The following PNPLA6 variants were observed in gnomAD, a reference collection of about 807,000 sequenced individuals.
The protein encoded by PNPLA6 is patatin like domain 6, lysophospholipase.
Under a neutral mutation model 153.7 loss-of-function variants are expected in PNPLA6, and 105 were observed. The ratio of observed to expected loss-of-function variants is 0.68; its 90% CI spans 0.58 to 0.80. PNPLA6 has a LOEUF of 0.80. Ranked by LOEUF, PNPLA6 falls within the 30% of genes least tolerant of loss-of-function variation. The pLI, the probability that PNPLA6 is intolerant of heterozygous loss-of-function variation, is 0.00. For missense variants in PNPLA6, 1,423 were observed against 1,919.3 expected (o/e 0.74, Z 4.83); for synonymous variants, 825 against 822.2 (o/e 1.00, Z -0.06).
At chr19:7,554,079 G>A in intron 19 of PNPLA6, 64 bp downstream of exon 19, 1 of 1,596,980 alleles carries the variant, frequency 6.3e-7, no homozygotes, top group Non-Finnish European at 8.6e-7. Context: ...AGTGAGAGAT[G>A]TTAGGGTAGG....
upstream of PNPLA6, chr19:7,535,637 T>C (rs1175915101): frequency 6.4e-7 from 1 of 1,568,642 alleles, no homozygotes; most frequent in Admixed American, 1.9e-5. The surrounding 1 kb of genome is among the most constrained non-coding windows in gnomAD (Gnocchi z 5.0). Flanking sequence ...GGACTACAAC[T>C]CCCGGCGTGC....
rs373118087 is a variant in PNPLA6 at position 7,555,021 on chromosome 19, C to T, written c.2763C>T (p.His921=). The change falls in exon 22 of 32, where the codon CAC becomes CAT. Residue 921 remains histidine (H), a synonymous_variant. Coordinates refer to ENST00000600737, the MANE Select transcript of PNPLA6 (RefSeq NM_001166114.2). The surrounding 1 kb of genome is among the most constrained non-coding windows in gnomAD (Gnocchi z 6.3). ...ATATGCGCAGCTGGTGCTCGGGGCA[C>T]CTGCACCTGCGCTGTCCGCGCCGCC... The part of the protein sequence containing the change: ...WLNMRSWCSG[H]LHLRCPRRLF... The T allele has an allele frequency of 1.3e-6, 2 of 1,593,738 alleles. No individual in the cohort carries two copies. Among genetic ancestry groups the T allele is most frequent in the African/African-American group, 2.7e-5 (2 of 74,932 alleles).
chr19:7,550,709 CATCCCGGGTA>C, intron 16 of PNPLA6, 69 bp downstream of exon 16: 1 of 1,578,208 alleles, frequency 6.3e-7, no homozygotes, highest in Non-Finnish European at 8.6e-7. Flanking sequence ...TCACACACAT[CATCCCGGGTA>C]ATCCAGGGAG....
In PNPLA6 at chr19:7,555,411, G is replaced by T. The variant is rs1158091365; in HGVS notation, c.2936+44G>T. On this transcript the variant is annotated intron_variant, in intron 23 of 31. Transcript: ENST00000600737. The surrounding 1 kb of genome is among the most constrained non-coding windows in gnomAD (Gnocchi z 6.3). ...CTCTGGGGGCGGGGCCTGGATGTCCGAGGGTGGAGCTTCCTGGGAGAAACC... is the reference window on the plus strand; with the variant it reads ...CTCTGGGGGCGGGGCCTGGATGTCCTAGGGTGGAGCTTCCTGGGAGAAACC... 13 of 1,428,248 alleles carry T rather than the reference G, an allele frequency of 9.1e-6. No individual in the cohort carries two copies. The highest frequency in any genetic ancestry group is 1.4e-5 in the African/African-American group (1 of 70,948). The allele number at this position is 1,428,248 out of a possible 1,614,324, so 88.5% of individuals were successfully genotyped here.
intron 13 of PNPLA6, 118 bp from the exon 14 acceptor site, chr19:7,549,789 T>A: frequency 9.7e-7 from 1 of 1,032,432 alleles, no homozygotes; most frequent in South Asian, 1.3e-5. Flanking sequence ...GCCCTGCGCC[T>A]TCATATTTTT....
At chr19:7,560,950 G>GC in intron 29 of PNPLA6, 64 bp from the exon 30 acceptor site, 4 of 1,000,268 alleles carry the variant, frequency 4.0e-6, no homozygotes, top group Non-Finnish European at 6.2e-6. Context: ...GCACCACTGG[G>GC]CCCCCCAGGG....
In PNPLA6 at chr19:7,553,869, T is replaced by C. The variant is rs372163975; in HGVS notation, c.2261-6T>C. The C allele has an allele frequency of 6.2e-7, 1 of 1,614,126 alleles. No individual in the cohort carries two copies. The highest frequency in any genetic ancestry group is 8.5e-7 in the Non-Finnish European group (1 of 1,180,056). On this transcript the variant is annotated splice_polypyrimidine_tract_variant and splice_region_variant and intron_variant, in intron 18 of 31. Transcript: ENST00000600737. Reference sequence around the variant, plus strand: ...CCACAAATCTCATCCATTGGGTTCTTAGCAGGCTCTGGGTTGGGTGTGCCC... The same window carrying C: ...CCACAAATCTCATCCATTGGGTTCTCAGCAGGCTCTGGGTTGGGTGTGCCC...
At position 7,535,944 on chromosome 19, in the gene PNPLA6, G is replaced by C; in HGVS notation, c.156G>C (p.Val52=). 1 of 1,586,494 alleles carries C rather than the reference G, an allele frequency of 6.3e-7. No individual in the cohort carries two copies. Among genetic ancestry groups the C allele is most frequent in the Middle Eastern group, 1.7e-4 (1 of 6,006 alleles). The change falls in exon 1 of 32, where the codon GTG becomes GTC. Residue 52 remains valine (V), a synonymous_variant. Transcript: ENST00000600737. The surrounding 1 kb of genome is among the most constrained non-coding windows in gnomAD (Gnocchi z 5.0). ...CGTTCGTCCCTCAGGTGCTTGGCGT[G>C]ATGATCGGGGCCGGAGTGGCGGTGG... ...PVPFVPQVLG[V]MIGAGVAVVV...
Position 7,540,555 on chromosome 19 carries a change from T to C in PNPLA6, c.715-75T>C, listed in dbSNP as rs368252614. The C allele has an allele frequency of 2.1e-5, 26 of 1,224,688 alleles. No homozygotes were observed. Among genetic ancestry groups the C allele is most frequent in the Middle Eastern group, 1.9e-4 (1 of 5,270 alleles). The allele number at this position is 1,224,688 out of a possible 1,614,324, so 75.9% of individuals were successfully genotyped here. On this transcript the variant is annotated intron_variant, in intron 5 of 31. Transcript: ENST00000600737. This position sits in a 1 kb window ranked among gnomAD's most constrained non-coding sequence, Gnocchi z 6.8. ...AAGGGATGAGAAGTGTCAGTGATCA[T>C]TGGGATGGATGAGGGGGCGACATGC... is the stretch of plus-strand genomic sequence containing the variant.
chr19:7,549,331 C>G (rs531316755), intron 13 of PNPLA6, among the ~76,000 whole-genome samples: 1 of 150,530 alleles, frequency 6.6e-6, no homozygotes, highest in Non-Finnish European at 1.5e-5. Flanking sequence ...GGACTACAGG[C>G]GCCCGCCACC....
At position 7,536,005 on chromosome 19, in the gene PNPLA6, A is replaced by C. The variant is rs781291417; in HGVS notation, c.217A>C (p.Arg73=). Reference sequence around the variant, plus strand: ...CGTGCTCATCCTCCTGGTGGTGCGGAGGCTGCGAGTGCCAAGTGAGCACCC... The same window carrying C: ...CGTGCTCATCCTCCTGGTGGTGCGGCGGCTGCGAGTGCCAAGTGAGCACCC... ...TAVLILLVVR[R]LRVPKTPAPD... The change falls in exon 1 of 32, where the codon AGG becomes CGG. Residue 73 remains arginine (R), a synonymous_variant. Coordinates refer to ENST00000600737, the MANE Select transcript of PNPLA6 (RefSeq NM_001166114.2). 1.3e-6 allele frequency: 2 copies of C among 1,576,472 alleles called. No homozygotes were observed. The highest frequency in any genetic ancestry group is 2.7e-5 in the African/African-American group (2 of 74,370).
rs370624903 is a variant in PNPLA6 at position 7,542,964 on chromosome 19, G to C, written c.1530+36G>C. The C allele has an allele frequency of 3.7e-6, 6 of 1,613,606 alleles. No individual in the cohort carries two copies. The South Asian group carries it at 6.6e-5, about 18-fold the overall frequency. On this transcript the variant is annotated intron_variant, in intron 12 of 31. Coordinates refer to ENST00000600737, the MANE Select transcript of PNPLA6 (RefSeq NM_001166114.2). ...GAGGGGAGCTGGGCACAGGGCGCAAGGGAGGCCTGGCTGCGCCCATCTCAA... is the reference window on the plus strand; with the variant it reads ...GAGGGGAGCTGGGCACAGGGCGCAACGGAGGCCTGGCTGCGCCCATCTCAA...
chr19:7,546,396 C>T (rs910347196), intron 13 of PNPLA6, among the ~76,000 whole-genome samples: 5 of 152,048 alleles, frequency 3.3e-5, no homozygotes, highest in African/African-American at 7.2e-5. Flanking sequence ...TGGAAGGCCG[C>T]GGCGGGAGGA....
rs770120484 is a variant in PNPLA6 at position 7,540,632 on chromosome 19, C to T, written c.717C>T (p.Asp239=). 6 of 1,612,708 alleles carry T rather than the reference C, an allele frequency of 3.7e-6. No individual in the cohort carries two copies. Among genetic ancestry groups the T allele is most frequent in the Admixed American group, 3.3e-5 (2 of 60,000 alleles). The change falls in exon 6 of 32, where the codon GAC becomes GAT. Residue 239 remains aspartate (D), a splice_region_variant and synonymous_variant. Coordinates refer to ENST00000600737, the MANE Select transcript of PNPLA6 (RefSeq NM_001166114.2). This position sits in a 1 kb window ranked among gnomAD's most constrained non-coding sequence, Gnocchi z 6.8. ...GTCCACGGTCTCCTGTGTCTCAGGA[C>T]GGGAAGGAGTGTGTGGTGAAGGAAG... ...GLLELCLPGP[D]GKECVVKEVV...
intron 21 of PNPLA6, 51 bp from the exon 22 acceptor site, chr19:7,554,842 G>A: frequency 6.4e-7 from 1 of 1,570,190 alleles, no homozygotes; most frequent in Non-Finnish European, 8.6e-7. Flanking sequence ...ACCCAGGTGT[G>A]GCCAGGTGGT....
chr19:7,556,322 A>G, intron 24 of PNPLA6, 131 bp from the exon 25 acceptor site: 1 of 764,806 alleles, frequency 1.3e-6, no homozygotes, highest in Non-Finnish European at 2.4e-6. Context: ...CTTGGCCTCC[A>G]AAGTGCTGGG....
rs377397889 is a variant in PNPLA6 at position 7,543,024 on chromosome 19, C to T, written c.1548C>T (p.Asn516=). 6.2e-7 allele frequency: 1 copy of T among 1,614,040 alleles called. No homozygotes were observed. Among genetic ancestry groups the T allele is most frequent in the East Asian group, 2.2e-5 (1 of 44,884 alleles). Residue 516 remains asparagine (N), a synonymous_variant, in exon 13 of 32, where the codon AAC becomes AAT. Coordinates refer to ENST00000600737, the MANE Select transcript of PNPLA6 (RefSeq NM_001166114.2). ...CTCCCCAGGACCCCTCCCTCCTGAACAGCAGAGTCTTGCTGCACCACGCCA... is the reference window on the plus strand; with the variant it reads ...CTCCCCAGGACCCCTCCCTCCTGAATAGCAGAGTCTTGCTGCACCACGCCA... The part of the protein sequence containing the change: ...LMRIEDPSLL[N]SRVLLHHAKA...
Position 7,555,425 on chromosome 19 carries a change from C to CT in PNPLA6, c.2936+59dup. On this transcript the variant is annotated intron_variant, in intron 23 of 31. Transcript: ENST00000600737. This position sits in a 1 kb window ranked among gnomAD's most constrained non-coding sequence, Gnocchi z 6.3. ...CCTGGATGTCCGAGGGTGGAGCTTC[C>CT]TGGGAGAAACCGTGGGGGCGGGGCC... is the stretch of plus-strand genomic sequence containing the variant. The CT allele has an allele frequency of 7.2e-7, 1 of 1,385,982 alleles. No homozygotes were observed. The highest frequency in any genetic ancestry group is 9.9e-7 in the Non-Finnish European group (1 of 1,008,870). 85.9% of individuals were successfully genotyped at this position (1,385,982 alleles called of 1,614,324 possible). A position where few individuals can be genotyped will look rare whatever the true frequency, so the allele number is the denominator to read the frequency against.
chr19:7,541,368 G>GCA lies in PNPLA6; in HGVS notation c.940_941insAC (p.Leu314HisfsTer16). On this transcript the variant is annotated frameshift_variant, in exon 8 of 32. Transcript: ENST00000600737. LOFTEE classifies it high-confidence loss of function. This position sits in a 1 kb window ranked among gnomAD's most constrained non-coding sequence, Gnocchi z 5.2. ...GAGCCCTGCAGATCATCATGGTGCGGCTGCAGCGAGTCACCTTCCTGGCAC... is the reference window on the plus strand; with the variant it reads ...GAGCCCTGCAGATCATCATGGTGCGGCACTGCAGCGAGTCACCTTCCTGGCAC... 6.2e-7 allele frequency: 1 copy of GCA among 1,613,816 alleles called. No individual in the cohort carries two copies. The highest frequency in any genetic ancestry group is 8.5e-7 in the Non-Finnish European group (1 of 1,179,820).
Sources: gnomAD v4.1 joint callset for allele counts (sites outside exome capture counted in the v4.1 genomes callset) on GRCh38, gnomAD v4.1.1 for gene constraint, Gnocchi (gnomAD v3.1) non-coding constraint, MANE v1.5 for transcripts, NCBI Gene and HGNC (gene_info 2026-07-23, HGNC 2026-07-21) for gene names.